CDKAL1: variants seen among roughly 807,000 people sequenced by gnomAD.
CDKAL1 encodes CDKAL1 threonylcarbamoyladenosine tRNA methylthiotransferase, also known as threonylcarbamoyladenosine tRNA methylthiotransferase.
Under a neutral mutation model 68.2 loss-of-function variants are expected in CDKAL1, and 32 were observed. That is an observed-to-expected ratio of 0.47 (90% CI 0.35 to 0.63). CDKAL1 has a LOEUF of 0.63. Among genes scored for constraint, CDKAL1 ranks in the 30% least tolerant of loss-of-function variants. The probability of loss-of-function intolerance (pLI) is 0.00; values close to 1 mark genes in which losing one functional copy is unlikely to be tolerated. For missense variants in CDKAL1, 606 were observed against 696.7 expected, an observed-to-expected ratio of 0.87 and a Z score of 1.47; for synonymous variants, 234 against 244.3, an observed-to-expected ratio of 0.96 and a Z score of 0.39.
chr6:20,646,291 G>A (rs903978162), intron 4 of CDKAL1, among the ~76,000 whole-genome samples: 1 of 151,474 alleles, frequency 6.6e-6, no homozygotes, highest in Non-Finnish European at 1.5e-5. Context: ...TGCTGACCTC[G>A]TGATCCAGCC....
intron 13 of CDKAL1, among the ~76,000 whole-genome samples, chr6:21,174,715 AT>A (rs374690887): frequency 8.7e-4 from 124 of 143,198 alleles, no homozygotes; most frequent in African/African-American, 3.1e-3. Flanking sequence ...TGATAAGGCC[AT>A]TTTGGAGGGC....
rs1442728142 is a variant in CDKAL1 at position 21,192,182 on chromosome 6, C to T, written c.1300-5839C>T. On this transcript the variant is annotated intron_variant, in intron 13 of 15. Coordinates refer to ENST00000274695, the MANE Select transcript of CDKAL1 (RefSeq NM_017774.3). Reference sequence around the variant, plus strand: ...GACTACAGGCGCCCACCACCGCGCCCGGCTAATTTTTTGTATTTTTAGTAG... The same window carrying T: ...GACTACAGGCGCCCACCACCGCGCCTGGCTAATTTTTTGTATTTTTAGTAG... 5.4e-5 allele frequency among the ~76,000 whole-genome samples: 8 copies of T among 147,968 alleles called. No individual in the cohort carries two copies. The South Asian group carries it at 6.5e-4, about 12-fold the overall frequency.
At chr6:21,008,202 G>C (rs1767833059) in intron 11 of CDKAL1, among the ~76,000 whole-genome samples, 1 of 152,074 alleles carries the variant, frequency 6.6e-6, no homozygotes, top group African/African-American at 2.4e-5. Context: ...AGAAAATGTG[G>C]GTCAGGAGCC....
intron 11 of CDKAL1, among the ~76,000 whole-genome samples, chr6:21,046,080 A>C (rs1186077259): frequency 6.6e-6 from 1 of 152,180 alleles, no homozygotes; most frequent in East Asian, 1.9e-4. Context: ...CATGTCTGTA[A>C]ACTGAGGAAA....
chr6:20,901,070 T>C (rs1761936861), intron 9 of CDKAL1, among the ~76,000 whole-genome samples: 1 of 152,096 alleles, frequency 6.6e-6, no homozygotes, highest in Non-Finnish European at 1.5e-5. Flanking sequence ...AGTCTAGCGA[T>C]GATTGTCTCA....
At chr6:20,733,764 G>T (rs1301322258) in intron 5 of CDKAL1, among the ~76,000 whole-genome samples, 1 of 152,168 alleles carries the variant, frequency 6.6e-6, no homozygotes, top group East Asian at 1.9e-4. Context: ...CTCAATCATT[G>T]CCTCTTCTTA....
chr6:20,721,959 C>T (rs1772397684), intron 5 of CDKAL1, among the ~76,000 whole-genome samples: 2 of 151,988 alleles, frequency 1.3e-5, no homozygotes, highest in African/African-American at 4.8e-5. Flanking sequence ...TCTCAAACTC[C>T]TGACCTCATG....
intron 13 of CDKAL1, among the ~76,000 whole-genome samples, chr6:21,169,921 A>ACCCCCCCC (rs57265201): frequency 1.6e-5 from 2 of 127,756 alleles, no homozygotes; most frequent in African/African-American, 3.1e-5. Flanking sequence ...TACGGGAAAG[A>ACCCCCCCC]CCCCCCCCAC....
chr6:21,197,733 A>C (rs1778529207), intron 13 of CDKAL1, among the ~76,000 whole-genome samples: 1 of 152,222 alleles, frequency 6.6e-6, no homozygotes, highest in Non-Finnish European at 1.5e-5. Flanking sequence ...AGCTTTAATT[A>C]TCTTACTTAT....
chr6:21,210,212 G>C (rs1040151769), intron 15 of CDKAL1, among the ~76,000 whole-genome samples: 1 of 152,174 alleles, frequency 6.6e-6, no homozygotes, highest in African/African-American at 2.4e-5. Context: ...CTGCCCTCAA[G>C]GAGATAAAGT....
intron 9 of CDKAL1, among the ~76,000 whole-genome samples, chr6:20,909,371 A>G (rs1486688063): frequency 1.3e-5 from 2 of 152,188 alleles, no homozygotes; most frequent in African/African-American, 2.4e-5. Flanking sequence ...TCCAAAGAAT[A>G]TATCCCAGAT....
intron 11 of CDKAL1, among the ~76,000 whole-genome samples, chr6:21,006,136 T>G (rs1256984772): frequency 6.6e-6 from 1 of 152,182 alleles, no homozygotes; most frequent in African/African-American, 2.4e-5. Context: ...GTAATTTTTC[T>G]TTCCTATCAT....
intron 9 of CDKAL1, among the ~76,000 whole-genome samples, chr6:20,879,018 G>T (rs1235317119): frequency 1.3e-5 from 2 of 151,640 alleles, no homozygotes; most frequent in African/African-American, 4.8e-5. Flanking sequence ...GGCAGAGGTT[G>T]CAGTGAGCCG....
chr6:20,810,400 A>G (rs1182704962), intron 8 of CDKAL1, among the ~76,000 whole-genome samples: 2 of 14,944 alleles, frequency 1.3e-4, no homozygotes, highest in Non-Finnish European at 3.0e-4. Flanking sequence ...TGTCACACAC[A>G]CACACACACA....
chr6:21,153,704 T>G (rs1220850855), intron 13 of CDKAL1, among the ~76,000 whole-genome samples: 2 of 152,164 alleles, frequency 1.3e-5, no homozygotes, highest in African/African-American at 2.4e-5. Flanking sequence ...TTTTTTTCTC[T>G]TAGCATAAAT....
At chr6:21,154,245 G>C (rs1776542087) in intron 13 of CDKAL1, among the ~76,000 whole-genome samples, 1 of 152,104 alleles carries the variant, frequency 6.6e-6, no homozygotes, top group Admixed American at 6.5e-5. Flanking sequence ...TAGAAGATTT[G>C]GGTTTGCTTT....
At chr6:20,819,078 C>CAACT (rs1272566897) in intron 8 of CDKAL1, among the ~76,000 whole-genome samples, 1 of 152,090 alleles carries the variant, frequency 6.6e-6, no homozygotes, top group Non-Finnish European at 1.5e-5. Context: ...TTGTAAAGAA[C>CAACT]AACTTCTGGG....
Position 20,586,978 on chromosome 6 carries a change from GTTTTTTTTTTTTT to G in CDKAL1, c.286+38286_286+38298del, listed in dbSNP as rs750210435. ...TGCCTGGAATGTTCTTCCTCCAGGT[GTTTTTTTTTTTTT>G]TTTTTTTTTTTTGAGACGGAGTTTT... On this transcript the variant is annotated intron_variant, in intron 4 of 15. Coordinates refer to ENST00000274695, the MANE Select transcript of CDKAL1 (RefSeq NM_017774.3). Among the ~76,000 whole-genome samples, 235 of 44,476 alleles carry G rather than the reference GTTTTTTTTTTTTT, an allele frequency of 5.3e-3. 1 individual carries two copies. The highest frequency in any genetic ancestry group is 0.021 in the African/African-American group (218 of 10,502). 29.2% of individuals were successfully genotyped at this position (44,476 alleles called of 152,430 possible). A position where few individuals can be genotyped will look rare whatever the true frequency, so the allele number is the denominator to read the frequency against.
At chr6:20,566,507 TAG>T (rs937098447) in intron 4 of CDKAL1, among the ~76,000 whole-genome samples, 4 of 150,708 alleles carry the variant, frequency 2.7e-5, no homozygotes, top group African/African-American at 9.7e-5. Flanking sequence ...ATAATTTTAA[TAG>T]GACTTTATGT....
Sources: gnomAD v4.1 joint callset for allele counts (sites outside exome capture counted in the v4.1 genomes callset) on GRCh38, gnomAD v4.1.1 for gene constraint, MANE v1.5 for transcripts, NCBI Gene and HGNC (gene_info 2026-07-23, HGNC 2026-07-21) for gene names.